FAM240C: variants seen among roughly 807,000 people sequenced by gnomAD.
The protein encoded by FAM240C is protein FAM240C.
In FAM240C, 14 loss-of-function variants were observed where a neutral mutation model predicts 10.0. That is an observed-to-expected ratio of 1.40 (90% confidence interval 0.92 to 2.19). FAM240C has a LOEUF of 2.19. FAM240C is among the 30% of genes most tolerant of loss of function. FAM240C has a pLI of 0.00. For missense variants in FAM240C, 154 were observed against 122.3 expected (o/e 1.26, Z -1.22); for synonymous variants, 49 against 44.3 (o/e 1.11, Z -0.42).
upstream of FAM240C, among the ~76,000 whole-genome samples, chr2:241,901,835 A>G (rs1001177861): frequency 6.6e-6 from 1 of 152,206 alleles, no homozygotes; most frequent in African/African-American, 2.4e-5. The surrounding 1 kb of genome is among the most constrained non-coding windows in gnomAD (Gnocchi z 4.9). Flanking sequence ...CCCAGGTCCT[A>G]TGCGCGAGCG....
chr2:241,895,611 G>A (rs1701776952), intron 2 of FAM240C, among the ~76,000 whole-genome samples: 1 of 152,224 alleles, frequency 6.6e-6, no homozygotes. Flanking sequence ...CCCTAAGAGT[G>A]ACCTCCTTAA....
chr2:241,894,336 G>A lies in FAM240C; in HGVS notation c.165C>T (p.Leu55=), dbSNP rs1027620072. 1 of 1,544,138 alleles carries A rather than the reference G, an allele frequency of 6.5e-7. No homozygotes were observed. Among genetic ancestry groups the A allele is most frequent in the African/African-American group, 1.4e-5 (1 of 72,960 alleles). Residue 55 remains leucine (L), a synonymous_variant, in exon 3 of 3, where the codon CTC becomes CTT. Coordinates refer to ENST00000404031, the MANE Select transcript of FAM240C (RefSeq NM_001382368.1). The part of the protein sequence containing the change: ...IRVRRSALNK[L]RVGWAEQLEG... ...CCAGCTGCTCAGCCCATCCCACGCG[G>A]AGCCTGGGGCAGGGCGATAATTTCG...
At chr2:241,899,255 T>G in intron 1 of FAM240C, 1 of 1,296,642 alleles carries the variant, frequency 7.7e-7, no homozygotes, top group Non-Finnish European at 1.0e-6. Context: ...CGCTGTGGCC[T>G]GCGCAGCCTG....
At chr2:241,899,085 C>A (rs1456930461) in intron 1 of FAM240C, 5 of 1,291,250 alleles carry the variant, frequency 3.9e-6, no homozygotes, top group Non-Finnish European at 5.1e-6. Flanking sequence ...CAGCTGAGAC[C>A]CGCGGGCTCG....
At chr2:241,902,383 G>A (rs1238012195), upstream of FAM240C, 162 of 103,510 alleles carry the variant, frequency 1.6e-3, 3 homozygotes, top group Middle Eastern at 4.9e-3. The surrounding 1 kb of genome is among the most constrained non-coding windows in gnomAD (Gnocchi z 7.1). Flanking sequence ...CCTCCCCTCC[G>A]CCGCCGCCTC....
chr2:241,899,010 C>A (rs1358380230), intron 1 of FAM240C: 3 of 781,988 alleles, frequency 3.8e-6, no homozygotes, highest in East Asian at 6.4e-5. Flanking sequence ...CCCCGCCCCC[C>A]ACTCTTCTCT....
chr2:241,900,916 G>A (rs1043813491), upstream of FAM240C, among the ~76,000 whole-genome samples: 3 of 152,166 alleles, frequency 2.0e-5, no homozygotes, highest in Non-Finnish European at 4.4e-5. The surrounding 1 kb of genome is among the most constrained non-coding windows in gnomAD (Gnocchi z 4.5). Flanking sequence ...GCGGTGACAG[G>A]CGCTGAGAGG....
At position 241,897,177 on chromosome 2, in the gene FAM240C, C is replaced by G. The variant is rs1473907380; in HGVS notation, c.161+9G>C. 1 of 1,549,330 alleles carries G rather than the reference C, an allele frequency of 6.5e-7. No individual in the cohort carries two copies. Among genetic ancestry groups the G allele is most frequent in the Non-Finnish European group, 8.7e-7 (1 of 1,146,300 alleles). Reference sequence around the variant, plus strand: ...AGGGGTCCCCGATGCACTGCACACCCCGACTCACTTGTTCAGAGCGCTTCT... The same window carrying G: ...AGGGGTCCCCGATGCACTGCACACCGCGACTCACTTGTTCAGAGCGCTTCT... On this transcript the variant is annotated intron_variant, in intron 2 of 2. Transcript: ENST00000404031.
At chr2:241,902,488 C>T (rs1559471344), upstream of FAM240C, 2 of 153,700 alleles carry the variant, frequency 1.3e-5, no homozygotes, top group African/African-American at 2.4e-5. The surrounding 1 kb of genome is among the most constrained non-coding windows in gnomAD (Gnocchi z 7.1). Context: ...CCGTCCTGCG[C>T]CCCTGTACCT....
intron 1 of FAM240C, 123 bp from the exon 2 acceptor site, chr2:241,897,457 C>T (rs528460975): frequency 9.3e-5 from 114 of 1,230,716 alleles, no homozygotes; most frequent in Admixed American, 2.2e-4. Flanking sequence ...TCCCCGCCTT[C>T]CTGGTTCGTG....
chr2:241,894,313 A>G lies in FAM240C; in HGVS notation c.188T>C (p.Leu63Pro), dbSNP rs1460082920. Residue 63 changes from leucine (L) to proline (P), a missense_variant, in exon 3 of 3, where the codon CTG becomes CCG. By Grantham distance (98) the Leu-to-Pro change is moderately conservative (BLOSUM62 -3). Coordinates refer to ENST00000404031, the MANE Select transcript of FAM240C (RefSeq NM_001382368.1). ...CTGCAGCATCTTGTTCCTCCCCTCC[A>G]GCTGCTCAGCCCATCCCACGCGGAG... ...NKLRVGWAEQLEGRNKMLQGP... is the reference protein window; with the variant it reads ...NKLRVGWAEQPEGRNKMLQGP... 1.3e-6 allele frequency: 2 copies of G among 1,548,638 alleles called. No individual in the cohort carries two copies. Among genetic ancestry groups the G allele is most frequent in the Admixed American group, 3.9e-5 (2 of 50,982 alleles).
At chr2:241,897,449 C>G in intron 1 of FAM240C, 115 bp from the exon 2 acceptor site, 1 of 1,299,254 alleles carries the variant, frequency 7.7e-7, no homozygotes. Context: ...CATCGTGGTC[C>G]CCGCCTTCCT....
chr2:241,895,460 G>A (rs559369267), intron 2 of FAM240C, among the ~76,000 whole-genome samples: 2 of 152,332 alleles, frequency 1.3e-5, no homozygotes, highest in South Asian at 4.1e-4. Context: ...GCGAATGGCC[G>A]GTCTCCCACA....
At chr2:241,897,772 T>C (rs1033590842) in intron 1 of FAM240C, among the ~76,000 whole-genome samples, 1 of 152,214 alleles carries the variant, frequency 6.6e-6, no homozygotes, top group Non-Finnish European at 1.5e-5. Flanking sequence ...CTCATTCCCA[T>C]CACCCAGGCT....
chr2:241,899,690 C>T (rs983844098), intron 1 of FAM240C, among the ~76,000 whole-genome samples: 1 of 152,194 alleles, frequency 6.6e-6, no homozygotes, highest in Non-Finnish European at 1.5e-5. Flanking sequence ...GGACACTTAG[C>T]CCCCAAAGGC....
At chr2:241,898,663 G>A (rs1346168468) in intron 1 of FAM240C, among the ~76,000 whole-genome samples, 1 of 152,242 alleles carries the variant, frequency 6.6e-6, no homozygotes, top group Non-Finnish European at 1.5e-5. Flanking sequence ...GTGGGAGCCC[G>A]GCTCTGGGTC....
upstream of FAM240C, among the ~76,000 whole-genome samples, chr2:241,901,626 G>A (rs3935292): frequency 0.053 from 8,073 of 152,198 alleles, 1,039 homozygotes; most frequent in East Asian, 0.48. The surrounding 1 kb of genome is among the most constrained non-coding windows in gnomAD (Gnocchi z 4.9). Flanking sequence ...GGGACATGCC[G>A]CAGCGCACAG....
At chr2:241,894,867 C>A (rs966665410) in intron 2 of FAM240C, among the ~76,000 whole-genome samples, 1 of 152,216 alleles carries the variant, frequency 6.6e-6, no homozygotes, top group Non-Finnish European at 1.5e-5. Flanking sequence ...ACCTGCCCGG[C>A]CTGGCCACAG....
chr2:241,896,391 A>T (rs7606520), intron 2 of FAM240C, among the ~76,000 whole-genome samples: 2 of 151,856 alleles, frequency 1.3e-5, no homozygotes, highest in Non-Finnish European at 2.9e-5. Flanking sequence ...ACGTCACTCA[A>T]GGGCAGTGAT....
Sources: gnomAD v4.1 joint callset for allele counts (sites outside exome capture counted in the v4.1 genomes callset) on GRCh38, gnomAD v4.1.1 for gene constraint, Gnocchi (gnomAD v3.1) non-coding constraint, MANE v1.5 for transcripts, NCBI Gene and HGNC (gene_info 2026-07-23, HGNC 2026-07-21) for gene names.